CREB3L2: variants seen among roughly 807,000 people sequenced by gnomAD.
CREB3L2 encodes the protein cyclic AMP-responsive element-binding protein 3-like protein 2.
A neutral mutation model predicts 57.2 loss-of-function variants in CREB3L2; 23 were observed. The observed-to-expected ratio is 0.40, with a 90% CI of 0.29 to 0.57. The LOEUF (loss-of-function observed/expected upper bound fraction) is 0.57. CREB3L2 is among the 20% of genes least tolerant of loss of function. The pLI is 0.42. For synonymous variants in CREB3L2, 268 were observed against 265.1 expected, an observed-to-expected ratio of 1.01 and a Z score of -0.11; for missense variants, 628 against 634.7, an observed-to-expected ratio of 0.99 and a Z score of 0.11.
At chr7:137,971,421 G>A (rs769956776) in intron 1 of CREB3L2, among the ~76,000 whole-genome samples, 7 of 150,690 alleles carry the variant, frequency 4.6e-5, no homozygotes, top group Non-Finnish European at 1.0e-4. Flanking sequence ...TTGCACTCCA[G>A]CCTGGGCATC....
chr7:137,908,318 G>A lies in CREB3L2; in HGVS notation c.702C>T (p.Ser234=). 1.6e-6 allele frequency: 2 copies of A among 1,258,102 alleles called. No individual in the cohort carries two copies. Among genetic ancestry groups the A allele is most frequent in the Non-Finnish European group, 2.0e-6 (2 of 992,504 alleles). The allele number at this position is 1,258,102 out of a possible 1,614,324, so 77.9% of individuals were successfully genotyped here. The change falls in exon 5 of 12, where the codon AGC becomes AGT. Residue 234 remains serine, a synonymous_variant. Coordinates refer to ENST00000330387, the MANE Select transcript of CREB3L2 (RefSeq NM_194071.4). ...LHPFSLPQTH[S]PSRAAPRAPS... is the part of the protein sequence containing the mutation. ...GGGCCCGGGGTGCAGCTCTGGAGGG[G>A]CTGTGGGTCTGAGGCAGGCTGAAGG... is the stretch of plus-strand genomic sequence containing the variant.
In CREB3L2 at chr7:137,875,589, G is replaced by A. The variant is rs952857488; in HGVS notation, c.*4887C>T. The A allele has an allele frequency of 2.2e-5, 5 of 224,550 alleles. No homozygotes were observed. The highest frequency in any genetic ancestry group is 3.6e-5 in the Non-Finnish European group (4 of 112,592). The allele number at this position is 224,550 out of a possible 1,614,324, so 13.9% of individuals were successfully genotyped here. ...GCTCCAGCACGAAGGGAAGCGATGA[G>A]CATCACACAGCAGGGCCATTGCAGG... On this transcript the variant is annotated 3_prime_UTR_variant, in exon 12 of 12. Coordinates refer to ENST00000330387, the MANE Select transcript of CREB3L2 (RefSeq NM_194071.4).
intron 7 of CREB3L2, among the ~76,000 whole-genome samples, chr7:137,903,234 T>C (rs1799802356): frequency 6.6e-6 from 1 of 152,198 alleles, no homozygotes; most frequent in Admixed American, 6.5e-5. Context: ...AGTCAGGTGA[T>C]AGAAGCACTA....
chr7:137,997,894 C>T (rs914036724), intron 1 of CREB3L2, among the ~76,000 whole-genome samples: 2 of 152,050 alleles, frequency 1.3e-5, no homozygotes, highest in Non-Finnish European at 2.9e-5. Context: ...ACGGTGGTAC[C>T]GAACCCCAAG....
Position 137,947,687 on chromosome 7 carries a change from G to A in CREB3L2, c.103-19321C>T, listed in dbSNP as rs190656033. Among the ~76,000 whole-genome samples the A allele has an allele frequency of 5.3e-5, 8 of 152,260 alleles. No homozygotes were observed. The East Asian group carries it at 1.5e-3, about 29-fold the overall frequency. Reference sequence around the variant, plus strand: ...TTAGATAAATCTCTTTATTCCTGATGGTCTAGCCAAGACCAAGTTGAGTTT... The same window carrying A: ...TTAGATAAATCTCTTTATTCCTGATAGTCTAGCCAAGACCAAGTTGAGTTT... On this transcript the variant is annotated intron_variant, in intron 1 of 11. Coordinates refer to ENST00000330387, the MANE Select transcript of CREB3L2 (RefSeq NM_194071.4).
At chr7:137,973,482 A>G (rs60947467) in intron 1 of CREB3L2, among the ~76,000 whole-genome samples, 8,401 of 152,300 alleles carry the variant, frequency 0.055, 381 homozygotes, top group African/African-American at 0.12. Flanking sequence ...AAGCTCACCT[A>G]GAGTGAGTTG....
At chr7:137,889,948 T>C (rs1283444466) in intron 8 of CREB3L2, among the ~76,000 whole-genome samples, 2 of 152,152 alleles carry the variant, frequency 1.3e-5, no homozygotes, top group Non-Finnish European at 2.9e-5. Flanking sequence ...TCTGACCCCA[T>C]AGCTTGTGTA....
At position 137,912,260 on chromosome 7, in the gene CREB3L2, G is replaced by A. The variant is rs184730828; in HGVS notation, c.583+731C>T. ...GGTGTGGTGGTGCACGCCTGTAATTGCAGCTTCTCAGGAGGCTGAGGCACA... is the reference window on the plus strand; with the variant it reads ...GGTGTGGTGGTGCACGCCTGTAATTACAGCTTCTCAGGAGGCTGAGGCACA... On this transcript the variant is annotated intron_variant, in intron 4 of 11. Transcript: ENST00000330387. Among the ~76,000 whole-genome samples, 953 of 151,636 alleles carry A rather than the reference G, an allele frequency of 6.3e-3. 2 individuals carry two copies. The highest frequency in any genetic ancestry group is 0.017 in the Middle Eastern group (5 of 294).
chr7:137,879,361 A>C lies in CREB3L2; in HGVS notation c.*1115T>G, dbSNP rs562599361. On this transcript the variant is annotated 3_prime_UTR_variant, in exon 12 of 12. Transcript: ENST00000330387. ...GTGTGGAGGGAGGAGGGGGCCAGGC[A>C]GGTGTGGAAAGCCAGCAAGGTTGTC... The C allele has an allele frequency of 1.1e-4, 56 of 487,078 alleles. 1 individual carries two copies. The East Asian group carries it at 2.2e-3, about 19-fold the overall frequency. The allele number at this position is 487,078 out of a possible 1,614,324, so 30.2% of individuals were successfully genotyped here. A position where few individuals can be genotyped will look rare whatever the true frequency, so the allele number is the denominator to read the frequency against.
At chr7:137,897,133 T>C (rs1010735113) in intron 8 of CREB3L2, among the ~76,000 whole-genome samples, 2 of 152,232 alleles carry the variant, frequency 1.3e-5, no homozygotes, top group African/African-American at 4.8e-5. Context: ...TGTGGAGTGA[T>C]GGATGTGTTA....
rs371654567 is a variant in CREB3L2, at chr7:137,971,541, G to A, written c.102+30063C>T. ...ACACCGCAGAACTTGATCTTTTTGCGGCTAGGCTGTGATGTGTGAGTGCAC... is the reference window on the plus strand; with the variant it reads ...ACACCGCAGAACTTGATCTTTTTGCAGCTAGGCTGTGATGTGTGAGTGCAC... On this transcript the variant is annotated intron_variant, in intron 1 of 11. Transcript: ENST00000330387. 3.3e-5 allele frequency among the ~76,000 whole-genome samples: 5 copies of A among 151,874 alleles called. No individual in the cohort carries two copies. The South Asian group carries it at 6.2e-4, about 19-fold the overall frequency.
At chr7:138,000,801 TA>T (rs1802061095) in intron 1 of CREB3L2, among the ~76,000 whole-genome samples, 2 of 152,106 alleles carry the variant, frequency 1.3e-5, no homozygotes. Flanking sequence ...TTTGCAAACT[TA>T]ATACCAAAAA....
At chr7:137,943,830 A>C (rs1265614037) in intron 1 of CREB3L2, among the ~76,000 whole-genome samples, 2 of 152,086 alleles carry the variant, frequency 1.3e-5, no homozygotes, top group Non-Finnish European at 2.9e-5. Flanking sequence ...CCCCTTTCCC[A>C]TTATGACAAC....
intron 1 of CREB3L2, among the ~76,000 whole-genome samples, chr7:137,993,609 T>G (rs1801937806): frequency 6.6e-6 from 1 of 152,162 alleles, no homozygotes; most frequent in Admixed American, 6.5e-5. Flanking sequence ...AAACTCAACC[T>G]CCTGGGCTCA....
intron 1 of CREB3L2, among the ~76,000 whole-genome samples, chr7:137,979,273 A>C (rs537043108): frequency 6.6e-6 from 1 of 152,234 alleles, no homozygotes; most frequent in African/African-American, 2.4e-5. Context: ...TCTTTCATGA[A>C]ACTTTTCCTT....
At chr7:137,922,394 A>ATATATATATATATGTATATATATG (rs1800316623) in intron 2 of CREB3L2, among the ~76,000 whole-genome samples, 1 of 18,098 alleles carries the variant, frequency 5.5e-5, no homozygotes, top group Non-Finnish European at 9.3e-5. Flanking sequence ...GTATATATAT[A>ATATATATATATATGTATATATATG]TATATATATA....
chr7:137,912,552 ATAAT>A (rs756478515), intron 4 of CREB3L2, among the ~76,000 whole-genome samples: 15 of 152,334 alleles, frequency 9.8e-5, no homozygotes, highest in South Asian at 8.3e-4. Context: ...AATTGGCCAC[ATAAT>A]TAATTGTGAA....
At chr7:137,902,117 C>G (rs1799774723) in intron 7 of CREB3L2, among the ~76,000 whole-genome samples, 1 of 139,924 alleles carries the variant, frequency 7.1e-6, no homozygotes, top group Non-Finnish European at 1.5e-5. Context: ...TCACTTGAAC[C>G]TGGGAGGCAG....
chr7:137,915,787 A>T, intron 3 of CREB3L2, 50 bp downstream of exon 3: 1 of 1,510,688 alleles, frequency 6.6e-7, no homozygotes, highest in Non-Finnish European at 9.1e-7. Context: ...ATGAGGATCT[A>T]TCTGTATCTT....
Sources: gnomAD v4.1 joint callset for allele counts (sites outside exome capture counted in the v4.1 genomes callset) on GRCh38, gnomAD v4.1.1 for gene constraint, MANE v1.5 for transcripts, NCBI Gene and HGNC (gene_info 2026-07-23, HGNC 2026-07-21) for gene names.